The following PLEKHH2 variants were observed in gnomAD, a reference collection of about 807,000 sequenced individuals.
PLEKHH2 encodes pleckstrin homology, MyTH4 and FERM domain containing H2, also known as pleckstrin homology domain-containing family H member 2.
PLEKHH2 carries 129 observed loss-of-function variants against 187.9 expected under a neutral mutation model. The ratio of observed to expected loss-of-function variants is 0.69; its 90% CI spans 0.59 to 0.79. PLEKHH2 has a LOEUF of 0.79. Ranked by LOEUF, PLEKHH2 falls within the 30% of genes least tolerant of loss-of-function variation. The pLI is 0.00. For missense variants in PLEKHH2, 2,076 were observed against 1,751.2 expected (o/e 1.19, Z -3.31); for synonymous variants, 686 against 605.6 (o/e 1.13, Z -1.95).
At chr2:43,744,190 A>G (rs981320701) in intron 23 of PLEKHH2, 7 of 1,149,068 alleles carry the variant, frequency 6.1e-6, no homozygotes, top group African/African-American at 1.6e-5. Context: ...ACATATACAC[A>G]TTCCATATTA....
intron 2 of PLEKHH2, among the ~76,000 whole-genome samples, chr2:43,677,565 C>T (rs1442734490): frequency 6.6e-6 from 1 of 151,780 alleles, no homozygotes; most frequent in African/African-American, 2.4e-5. Context: ...TTTCTTAGTA[C>T]AGAACAAAAT....
In PLEKHH2 at chr2:43,700,149, T is replaced by C; in HGVS notation, c.1191T>C (p.Tyr397=). 6.2e-7 allele frequency: 1 copy of C among 1,614,170 alleles called. No homozygotes were observed. The highest frequency in any genetic ancestry group is 8.5e-7 in the Non-Finnish European group (1 of 1,180,042). ...NKKFQSQRLD[Y]SSSSSEANTP... ...AATTTCAATCCCAGAGACTCGATTA[T>C]TCATCTTCATCGAGTGAAGCCAACA... The change falls in exon 8 of 30, where the codon TAT becomes TAC. Residue 397 remains tyrosine, a synonymous_variant. Coordinates refer to ENST00000282406, the MANE Select transcript of PLEKHH2 (RefSeq NM_172069.4).
rs563384724 is a variant in PLEKHH2 at position 43,675,579 on chromosome 2, G to T, written c.124-3284G>T. The T allele has an allele frequency of 4.3e-6, 7 of 1,613,652 alleles. No homozygotes were observed. In the South Asian group the frequency reaches 5.5e-5, roughly 13 times the overall value. On this transcript the variant is annotated intron_variant, in intron 2 of 29. Coordinates refer to ENST00000282406, the MANE Select transcript of PLEKHH2 (RefSeq NM_172069.4). ...ACAATGCCTCTTCAATAAGCTGTGC[G>T]ATTGGTTTTGTATTAAATACATCTC...
chr2:43,761,223 T>G (rs1387044104), intron 27 of PLEKHH2, among the ~76,000 whole-genome samples: 1 of 152,176 alleles, frequency 6.6e-6, no homozygotes, highest in East Asian at 1.9e-4. Context: ...TTGACATTGT[T>G]TTGTAAAATT....
chr2:43,724,077 A>G (rs534045141), intron 16 of PLEKHH2, among the ~76,000 whole-genome samples: 1 of 148,596 alleles, frequency 6.7e-6, no homozygotes, highest in African/African-American at 2.5e-5. Context: ...TAGAAAAGTA[A>G]CATTGCCAAC....
At chr2:43,725,163 G>A (rs967904368) in intron 16 of PLEKHH2, among the ~76,000 whole-genome samples, 2 of 152,156 alleles carry the variant, frequency 1.3e-5, no homozygotes, top group African/African-American at 4.8e-5. Flanking sequence ...TCTGTACAGA[G>A]CAGAGTTTTT....
chr2:43,744,049 C>T lies in PLEKHH2; in HGVS notation c.3555+60C>T, dbSNP rs1572651790. 2.5e-5 allele frequency: 39 copies of T among 1,556,288 alleles called. No homozygotes were observed. The East Asian group carries it at 8.6e-4, about 34-fold the overall frequency. On this transcript the variant is annotated intron_variant, in intron 23 of 29. Transcript: ENST00000282406. ...CGAACAGCAAAGAAGCTACTCTTTA[C>T]AAGAAGAGTAAACTTTGCAAGAAGT...
At position 43,745,899 on chromosome 2, in the gene PLEKHH2, T is replaced by G. The variant is rs780212262; in HGVS notation, c.3589T>G (p.Ser1197Ala). Residue 1197 changes from serine to alanine, a missense_variant, in exon 24 of 30, where the codon TCC (serine) becomes GCC (alanine). Transcript: ENST00000282406. ...CDIISKWEQA[S>A]KEQQPGKCEG... is the part of the protein sequence containing the mutation. The stretch of plus-strand genomic sequence containing the variant: ...CATTATTTCCAAATGGGAACAGGCT[T>G]CCAAAGAACAGCAGCCTGGAAAATG... 5.3e-5 allele frequency: 85 copies of G among 1,612,704 alleles called. No individual in the cohort carries two copies. The East Asian group carries it at 1.9e-3, about 36-fold the overall frequency.
At chr2:43,711,069 G>A in intron 14 of PLEKHH2, 1 of 987,024 alleles carries the variant, frequency 1.0e-6, no homozygotes, top group Non-Finnish European at 1.2e-6. Context: ...CACTGTAGGG[G>A]CAGCTGCTGC....
intron 3 of PLEKHH2, among the ~76,000 whole-genome samples, chr2:43,681,895 C>G (rs1214251245): frequency 6.6e-6 from 1 of 152,122 alleles, no homozygotes; most frequent in Non-Finnish European, 1.5e-5. Context: ...CCAATGTAGC[C>G]TAATCTTTGA....
Position 43,707,491 on chromosome 2 carries a change from G to A in PLEKHH2, c.1912G>A (p.Glu638Lys), listed in dbSNP as rs1669720040. 1.2e-6 allele frequency: 2 copies of A among 1,614,060 alleles called. No individual in the cohort carries two copies. The highest frequency in any genetic ancestry group is 2.2e-5 in the South Asian group (2 of 91,092). ...DSSRSSSRTSESDSRSRSGPG... is the reference protein window; with the variant it reads ...DSSRSSSRTSKSDSRSRSGPG... ...CTCCAGATCCAGCTCCCGGACGTCA[G>A]AGTCAGACTCACGCAGTAGGAGTGG... Residue 638 changes from glutamate (E) to lysine (K), a missense_variant, in exon 11 of 30, where the codon GAG becomes AAG. Physicochemically the swap from Glu to Lys is moderately conservative, Grantham distance 56. Coordinates refer to ENST00000282406, the MANE Select transcript of PLEKHH2 (RefSeq NM_172069.4).
chr2:43,690,319 G>A (rs904515352), intron 3 of PLEKHH2, among the ~76,000 whole-genome samples: 2 of 152,000 alleles, frequency 1.3e-5, no homozygotes, highest in African/African-American at 2.4e-5. Flanking sequence ...CATTTGGATA[G>A]TAGAATACAT....
intron 3 of PLEKHH2, among the ~76,000 whole-genome samples, chr2:43,690,386 T>C (rs981390714): frequency 6.6e-6 from 1 of 152,182 alleles, no homozygotes; most frequent in Non-Finnish European, 1.5e-5. Context: ...TTTCCAGCCA[T>C]GTGGTTGGTA....
At chr2:43,712,811 AT>A (rs1375077754) in intron 15 of PLEKHH2, among the ~76,000 whole-genome samples, 2 of 152,216 alleles carry the variant, frequency 1.3e-5, no homozygotes, top group African/African-American at 4.8e-5. Flanking sequence ...CAAATGATCA[AT>A]AAGCATATGG....
chr2:43,709,968 A>AT, intron 11 of PLEKHH2, 22 bp from the exon 12 acceptor site: 1 of 1,591,662 alleles, frequency 6.3e-7, no homozygotes, highest in Non-Finnish European at 8.5e-7. Flanking sequence ...TACTGACTTG[A>AT]TTTCTTTCTT....
At chr2:43,758,630 G>C (rs1672308580) in intron 26 of PLEKHH2, among the ~76,000 whole-genome samples, 1 of 152,172 alleles carries the variant, frequency 6.6e-6, no homozygotes, top group Non-Finnish European at 1.5e-5. Flanking sequence ...TTTGATGGTA[G>C]ATATTCAGAT....
intron 3 of PLEKHH2, among the ~76,000 whole-genome samples, chr2:43,688,456 A>G (rs1668635904): frequency 6.6e-6 from 1 of 152,236 alleles, no homozygotes. Flanking sequence ...ACCCCCTCTT[A>G]AAAATACAGT....
At chr2:43,758,606 A>G (rs1672307568) in intron 26 of PLEKHH2, among the ~76,000 whole-genome samples, 1 of 152,144 alleles carries the variant, frequency 6.6e-6, no homozygotes, top group Admixed American at 6.5e-5. Flanking sequence ...CTTTTAAACT[A>G]ATTTACGCTA....
At chr2:43,743,212 C>G (rs1671648466) in intron 22 of PLEKHH2, among the ~76,000 whole-genome samples, 1 of 152,146 alleles carries the variant, frequency 6.6e-6, no homozygotes, top group Admixed American at 6.5e-5. Context: ...CAGTACACCT[C>G]CTAGGTGTGG....
Sources: gnomAD v4.1 joint callset for allele counts (sites outside exome capture counted in the v4.1 genomes callset) on GRCh38, gnomAD v4.1.1 for gene constraint, MANE v1.5 for transcripts, NCBI Gene and HGNC (gene_info 2026-07-23, HGNC 2026-07-21) for gene names.